The following PBRM1 variants were observed in gnomAD, a reference collection of about 807,000 sequenced individuals.
The protein encoded by PBRM1 is protein polybromo-1.
In PBRM1, 27 loss-of-function variants were observed where a neutral mutation model predicts 194.5. The ratio of observed to expected loss-of-function variants is 0.14; its 90% CI spans 0.10 to 0.19. The LOEUF is 0.19. Ranked by LOEUF, PBRM1 falls within the 10% of genes least tolerant of loss-of-function variation. The pLI is 1.00. For synonymous variants in PBRM1, 655 were observed against 693.2 expected (o/e 0.94, Z 0.87); for missense variants, 1,466 against 2,077.2 (o/e 0.71, Z 5.72).
chr3:52,575,251 C>T (rs536427088), intron 22 of PBRM1, among the ~76,000 whole-genome samples: 3 of 151,598 alleles, frequency 2.0e-5, no homozygotes, highest in East Asian at 3.9e-4. Context: ...AACAAACAAA[C>T]GTTTAGAAGA....
chr3:52,663,298 GA>G (rs1178832080), intron 3 of PBRM1, among the ~76,000 whole-genome samples: 4 of 152,170 alleles, frequency 2.6e-5, no homozygotes, highest in African/African-American at 9.7e-5. Flanking sequence ...CAGAAGCTGG[GA>G]ATCCAAAGGC....
chr3:52,636,122 C>T (rs1041515984), intron 10 of PBRM1, among the ~76,000 whole-genome samples: 8 of 151,976 alleles, frequency 5.3e-5, no homozygotes, highest in African/African-American at 1.2e-4. Flanking sequence ...CTGCCCGCCT[C>T]GGCCTCCCAA....
At chr3:52,550,579 G>A (rs770973480) in exon 29 of PBRM1, 9 of 1,541,404 alleles carry the variant, frequency 5.8e-6, no homozygotes, top group Non-Finnish European at 7.9e-6. Flanking sequence ...GGGTCCAGCT[G>A]GATGTGGGCC....
chr3:52,584,449 G>GTTTTTTT (rs2092000766), intron 20 of PBRM1, among the ~76,000 whole-genome samples: 1 of 80,792 alleles, frequency 1.2e-5, no homozygotes, highest in African/African-American at 6.4e-5. Flanking sequence ...AAGTATTCTT[G>GTTTTTTT]CTTTTTTTTT....
At chr3:52,554,412 T>C (rs2081772751) in intron 27 of PBRM1, among the ~76,000 whole-genome samples, 1 of 152,258 alleles carries the variant, frequency 6.6e-6, no homozygotes, top group Admixed American at 6.5e-5. Flanking sequence ...TTCTAGGCTG[T>C]CTGGCTTTTC....
chr3:52,627,628 C>T (rs1408835172), intron 12 of PBRM1, among the ~76,000 whole-genome samples: 1 of 152,154 alleles, frequency 6.6e-6, no homozygotes, highest in Non-Finnish European at 1.5e-5. Flanking sequence ...ATAATGGGTG[C>T]TAACTGGTTA....
intron 4 of PBRM1, among the ~76,000 whole-genome samples, chr3:52,660,274 G>A (rs979554168): frequency 2.0e-5 from 3 of 152,118 alleles, no homozygotes; most frequent in East Asian, 1.9e-4. Flanking sequence ...GTGTTCTACC[G>A]AAGAAAGCAT....
intron 17 of PBRM1, among the ~76,000 whole-genome samples, chr3:52,591,517 T>G (rs1320806192): frequency 1.5e-5 from 2 of 134,860 alleles, no homozygotes; most frequent in East Asian, 4.1e-4. Context: ...CTTTGTTTTT[T>G]TTTTTTTTTT....
Position 52,660,373 on chromosome 3 carries a change from C to T in PBRM1, c.528+1760G>A, listed in dbSNP as rs181755677. 5.3e-3 allele frequency among the ~76,000 whole-genome samples: 810 copies of T among 152,068 alleles called. 8 individuals carry two copies. The highest frequency in any genetic ancestry group is 0.019 in the African/African-American group (779 of 41,474). On this transcript the variant is annotated intron_variant, in intron 4 of 29. Coordinates refer to ENST00000296302, the Ensembl canonical transcript of PBRM1. ...CTATTTAGTTCCAATCACTTAACTA[C>T]TTAAAGAAACTGACAAGCTGCTGAG... is the stretch of plus-strand genomic sequence containing the variant.
exon 22 of PBRM1, chr3:52,576,552 G>A: frequency 6.3e-7 from 1 of 1,599,640 alleles, no homozygotes; most frequent in Non-Finnish European, 8.5e-7. Flanking sequence ...GAGAATACAT[G>A]TCATGGGGCA....
At chr3:52,575,681 T>TTC (rs2089364432) in intron 22 of PBRM1, among the ~76,000 whole-genome samples, 1 of 149,358 alleles carries the variant, frequency 6.7e-6, no homozygotes, top group African/African-American at 2.5e-5. Flanking sequence ...AATTTTTTTT[T>TTC]TTTTTTTTTT....
At chr3:52,615,974 T>C (rs1373593654) in intron 14 of PBRM1, among the ~76,000 whole-genome samples, 2 of 152,194 alleles carry the variant, frequency 1.3e-5, no homozygotes, top group Non-Finnish European at 2.9e-5. Flanking sequence ...GGTGGTAATA[T>C]GTAGTCAAGA....
At chr3:52,568,184 G>T (rs1244421744) in intron 22 of PBRM1, among the ~76,000 whole-genome samples, 1 of 152,052 alleles carries the variant, frequency 6.6e-6, no homozygotes, top group Non-Finnish European at 1.5e-5. Flanking sequence ...TCACCATGTC[G>T]GCCAGGCTAG....
At chr3:52,596,920 T>C (rs2093609584) in intron 17 of PBRM1, among the ~76,000 whole-genome samples, 2 of 152,094 alleles carry the variant, frequency 1.3e-5, no homozygotes. Flanking sequence ...TTGTAGTCCT[T>C]GTGGCCTACA....
rs2153594339 is a variant in PBRM1 at position 52,628,874 on chromosome 3, G to T, written c.1443+20C>A. 1 of 1,611,108 alleles carries T rather than the reference G, an allele frequency of 6.2e-7. No individual in the cohort carries two copies. The highest frequency in any genetic ancestry group is 8.5e-7 in the Non-Finnish European group (1 of 1,177,958). On this transcript the variant is annotated intron_variant, in intron 12 of 29. Coordinates refer to ENST00000296302, the Ensembl canonical transcript of PBRM1. ...TTTAATCATATATACAACAAACTCA[G>T]CAAAAACAATAAATCACACCTGCAT...
intron 10 of PBRM1, among the ~76,000 whole-genome samples, chr3:52,637,054 C>G (rs60311166): frequency 0.073 from 11,031 of 152,048 alleles, 949 homozygotes; most frequent in African/African-American, 0.21. Context: ...AGTCATGGAG[C>G]TAGAAGCAGA....
intron 17 of PBRM1, among the ~76,000 whole-genome samples, chr3:52,596,476 A>G (rs908634389): frequency 1.5e-5 from 2 of 133,094 alleles, no homozygotes; most frequent in Middle Eastern, 4.2e-3. Flanking sequence ...AAAAAAAAAA[A>G]AAAAGAAATG....
chr3:52,579,648 C>G (rs1156517522), intron 20 of PBRM1, among the ~76,000 whole-genome samples: 1 of 151,836 alleles, frequency 6.6e-6, no homozygotes, highest in African/African-American at 2.4e-5. Flanking sequence ...AAGAGAAACT[C>G]TGAAGGAGGC....
At chr3:52,620,675 T>G (rs1438201480) in intron 13 of PBRM1, among the ~76,000 whole-genome samples, 1 of 152,188 alleles carries the variant, frequency 6.6e-6, no homozygotes, top group African/African-American at 2.4e-5. Flanking sequence ...CTTGGCAGCT[T>G]TGAGTGAGAC....
Sources: gnomAD v4.1 joint callset for allele counts (sites outside exome capture counted in the v4.1 genomes callset) on GRCh38, gnomAD v4.1.1 for gene constraint, MANE v1.5 for transcripts, NCBI Gene and HGNC (gene_info 2026-07-23, HGNC 2026-07-21) for gene names.